Variants in PCDHGA6 observed in about 807,000 individuals in gnomAD.
PCDHGA6 encodes the protein protocadherin gamma-A6.
PCDHGA6 carries 41 observed loss-of-function variants against 60.6 expected under a neutral mutation model. The ratio of observed to expected loss-of-function variants is 0.68; its 90% CI spans 0.53 to 0.88. The LOEUF (loss-of-function observed/expected upper bound fraction) is 0.88. PCDHGA6 is among the 40% of genes least tolerant of loss of function. The pLI is 0.00. For synonymous variants in PCDHGA6, 594 were observed against 524.4 expected, an observed-to-expected ratio of 1.13 and a Z score of -1.81; for missense variants, 1,312 against 1,203.0, an observed-to-expected ratio of 1.09 and a Z score of -1.34.
intron 1 of PCDHGA6, chr5:141,404,976 T>G (rs373850794): frequency 4.3e-6 from 7 of 1,614,002 alleles, no homozygotes; most frequent in Non-Finnish European, 5.9e-6. Context: ...CTGGCTGACC[T>G]GGGCAGTCTT....
At chr5:141,390,529 T>C in intron 1 of PCDHGA6, 1 of 537,128 alleles carries the variant, frequency 1.9e-6, no homozygotes, top group Non-Finnish European at 3.3e-6. Context: ...GAGGGTGTGG[T>C]TTTAACCACA....
rs747283905 is a variant in PCDHGA6, at chr5:141,491,693, G to A, written c.2425-3114G>A. On this transcript the variant is annotated intron_variant, in intron 1 of 3. Transcript: ENST00000517434. The surrounding 1 kb of genome is among the most constrained non-coding windows in gnomAD (Gnocchi z 6.9). ...TCCCGCTCTAATACGCTGCGGGAGC[G>A]GAGCCAGGTGAGGGGCTCGGCGCCG... 3.7e-5 allele frequency: 59 copies of A among 1,612,434 alleles called. No homozygotes were observed. Among genetic ancestry groups the A allele is most frequent in the Non-Finnish European group, 4.7e-5 (55 of 1,179,352 alleles).
chr5:141,471,204 C>T (rs1349368582), intron 1 of PCDHGA6: 2 of 151,866 alleles, frequency 1.3e-5, no homozygotes, highest in African/African-American at 4.8e-5. Flanking sequence ...CACCCACCCC[C>T]ATGCCTGGCA....
intron 1 of PCDHGA6, among the ~76,000 whole-genome samples, chr5:141,425,819 A>C (rs1183860957): frequency 6.6e-6 from 1 of 152,246 alleles, no homozygotes; most frequent in Non-Finnish European, 1.5e-5. Flanking sequence ...TTAGAAAAAA[A>C]CAAACTTTTA....
intron 1 of PCDHGA6, chr5:141,410,620 G>T (rs765125633): frequency 6.2e-7 from 1 of 1,603,524 alleles, no homozygotes. Flanking sequence ...CTCTGACTTC[G>T]GTGAGTTTCT....
chr5:141,447,235 G>T (rs1458489257), intron 1 of PCDHGA6, among the ~76,000 whole-genome samples: 1 of 152,084 alleles, frequency 6.6e-6, no homozygotes, highest in Non-Finnish European at 1.5e-5. Flanking sequence ...CGCCTCCCGG[G>T]TTCAAGTGAT....
chr5:141,383,352 G>T lies in PCDHGA6; in HGVS notation c.2424+6845G>T, dbSNP rs115561507. On this transcript the variant is annotated intron_variant, in intron 1 of 3. Coordinates refer to ENST00000517434, the MANE Select transcript of PCDHGA6 (RefSeq NM_018919.3). ...TGGAGAATACAGCTCCTGGGGTTCG[G>T]TTTCCGTTAAGCGAGGCTGGGGATC... The T allele has an allele frequency of 9.3e-4, 1,504 of 1,614,018 alleles. 9 individuals carry two copies. In the African/African-American group the frequency reaches 0.016, roughly 17 times the overall value.
chr5:141,383,714 G>T (rs1561598272), intron 1 of PCDHGA6: 3 of 1,613,972 alleles, frequency 1.9e-6, no homozygotes, highest in Middle Eastern at 1.6e-4. Context: ...CTGGACGAGG[G>T]AGTCAATGGG....
chr5:141,499,401 C>A lies in PCDHGA6; in HGVS notation c.2483+4536C>A, dbSNP rs115575614. ...TTCCACTTATAAAATAGTACATGCTCATTATAGAAACATGAAAAATAGAAA... is the reference window on the plus strand; with the variant it reads ...TTCCACTTATAAAATAGTACATGCTAATTATAGAAACATGAAAAATAGAAA... On this transcript the variant is annotated intron_variant, in intron 2 of 3. Coordinates refer to ENST00000517434, the MANE Select transcript of PCDHGA6 (RefSeq NM_018919.3). Among the ~76,000 whole-genome samples, 871 of 152,186 alleles carry A rather than the reference C, an allele frequency of 5.7e-3. 5 individuals are homozygous for A. Among genetic ancestry groups the A allele is most frequent in the African/African-American group, 0.02 (847 of 41,502 alleles).
At chr5:141,427,992 T>C in intron 1 of PCDHGA6, 1 of 1,599,002 alleles carries the variant, frequency 6.3e-7, no homozygotes, top group Non-Finnish European at 8.6e-7. Context: ...GCCCGATGGC[T>C]CCGCACTCTT....
chr5:141,376,226 A>G lies in PCDHGA6; in HGVS notation c.2143A>G (p.Arg715Gly). 2 of 1,614,202 alleles carry G rather than the reference A, an allele frequency of 1.2e-6. No homozygotes were observed. The highest frequency in any genetic ancestry group is 1.7e-6 in the Non-Finnish European group (2 of 1,180,034). Residue 715 changes from arginine to glycine, a missense_variant, in exon 1 of 4, where the codon AGA becomes GGA. Transcript: ENST00000517434. ...LAFVIVLLALRLQRWHKSRLL... is the reference protein window; with the variant it reads ...LAFVIVLLALGLQRWHKSRLL... The stretch of plus-strand genomic sequence containing the variant: ...CTTCGTCATCGTGCTGCTGGCGCTC[A>G]GACTGCAGCGCTGGCACAAGTCACG...
At chr5:141,400,514 A>T in intron 1 of PCDHGA6, 1 of 1,613,950 alleles carries the variant, frequency 6.2e-7, no homozygotes, top group South Asian at 1.1e-5. Context: ...TCGACTTCCC[A>T]TCCTGAGTTG....
chr5:141,438,700 AC>A (rs2098052453), intron 1 of PCDHGA6, among the ~76,000 whole-genome samples: 1 of 144,406 alleles, frequency 6.9e-6, no homozygotes, highest in Non-Finnish European at 1.5e-5. Context: ...TTGCTCTGTC[AC>A]CCAGGCTGGA....
At position 141,512,765 on chromosome 5, in the gene PCDHGA6, G is replaced by C. The variant is rs988707269; in HGVS notation, c.*1592G>C. 1 of 152,668 alleles carries C rather than the reference G, an allele frequency of 6.6e-6. No individual in the cohort carries two copies. The highest frequency in any genetic ancestry group is 1.5e-5 in the Non-Finnish European group (1 of 68,460). The allele number at this position is 152,668 out of a possible 1,614,324, so 9.5% of individuals were successfully genotyped here. On this transcript the variant is annotated 3_prime_UTR_variant, in exon 4 of 4. Transcript: ENST00000517434. ...CCGCGCAGCCGTCTGTCCTTGATCT[G>C]CCCGCGGCGGCCCGTGTTGTGTTTT...
intron 1 of PCDHGA6, chr5:141,427,780 TGTCGTCCTAC>T (rs892399327): frequency 8.9e-6 from 13 of 1,455,886 alleles, no homozygotes; most frequent in Middle Eastern, 1.7e-4. Context: ...CTGCGGGCAC[TGTCGTCCTAC>T]GTGTCCGTGA....
In PCDHGA6 at chr5:141,383,069, G is replaced by T; in HGVS notation, c.2424+6562G>T. ...GCCAAGGACCTGGGGCTGGAGCCCC[G>T]GGAGCTGGCGGAGCGCGGAGTCCGC... On this transcript the variant is annotated intron_variant, in intron 1 of 3. Coordinates refer to ENST00000517434, the MANE Select transcript of PCDHGA6 (RefSeq NM_018919.3). The T allele has an allele frequency of 6.2e-7, 1 of 1,613,886 alleles. No homozygotes were observed. The highest frequency in any genetic ancestry group is 8.5e-7 in the Non-Finnish European group (1 of 1,179,902).
chr5:141,382,731 A>G (rs1250192091), intron 1 of PCDHGA6: 6 of 554,412 alleles, frequency 1.1e-5, no homozygotes, highest in Non-Finnish European at 1.8e-5. Flanking sequence ...TTTACAGCAC[A>G]GAGAAACGAC....
Position 141,409,092 on chromosome 5 carries a change from A to C in PCDHGA6, c.2424+32585A>C, listed in dbSNP as rs150634031. On this transcript the variant is annotated intron_variant, in intron 1 of 3. Coordinates refer to ENST00000517434, the MANE Select transcript of PCDHGA6 (RefSeq NM_018919.3). ...AAACATATGTTCTCATTGGATGAGA[A>C]AACAGGTATGATTAAGAATAACCAG... 12 of 1,614,050 alleles carry C rather than the reference A, an allele frequency of 7.4e-6. No homozygotes were observed. The East Asian group carries it at 2.7e-4, about 36-fold the overall frequency.
intron 1 of PCDHGA6, chr5:141,409,850 G>T (rs1301108879): frequency 6.2e-7 from 1 of 1,612,142 alleles, no homozygotes; most frequent in South Asian, 1.1e-5. Context: ...GAGCCTGCGC[G>T]TGTTGGTGGG....
Sources: gnomAD v4.1 joint callset for allele counts (sites outside exome capture counted in the v4.1 genomes callset) on GRCh38, gnomAD v4.1.1 for gene constraint, Gnocchi (gnomAD v3.1) non-coding constraint, MANE v1.5 for transcripts, NCBI Gene and HGNC (gene_info 2026-07-23, HGNC 2026-07-21) for gene names.